PLPP2: variants seen among roughly 807,000 people sequenced by gnomAD.
The protein encoded by PLPP2 is PAP2-gamma.
PLPP2 carries 29 observed loss-of-function variants against 35.2 expected under a neutral mutation model. The ratio of observed to expected loss-of-function variants is 0.82; its 90% CI spans 0.61 to 1.12. PLPP2 has a LOEUF of 1.12. Ranked by LOEUF, PLPP2 falls within the 50% of genes most tolerant of loss-of-function variation. PLPP2 has a pLI of 0.00. For synonymous variants in PLPP2, 162 were observed against 167.0 expected (o/e 0.97, Z 0.23); for missense variants, 353 against 375.2 (o/e 0.94, Z 0.49).
At chr19:288,421 A>T in intron 1 of PLPP2, 1 of 354,386 alleles carries the variant, frequency 2.8e-6, no homozygotes. Context: ...GCAAACACCC[A>T]CCTTTGCACA....
At chr19:282,964 A>G in intron 3 of PLPP2, 155 bp from the exon 4 acceptor site, 1 of 664,520 alleles carries the variant, frequency 1.5e-6, no homozygotes, top group Non-Finnish European at 2.6e-6. Context: ...TTTCTGTTCC[A>G]GTCATCTGAT....
rs764953370 is a variant in PLPP2, at chr19:287,603, T to C, written c.353A>G (p.Tyr118Cys). Residue 118 changes from tyrosine to cysteine, a missense_variant, in exon 3 of 6, where the codon TAC becomes TGC. Physicochemically the swap from Tyr to Cys is radical, Grantham distance 194. Coordinates refer to ENST00000434325, the MANE Select transcript of PLPP2 (RefSeq NM_003712.4). The surrounding 1 kb of genome is among the most constrained non-coding windows in gnomAD (Gnocchi z 4.3). ...GTTGGGCCTCAGACGCCCAATCATG[T>C]ACTTGGCCAGGTCTGTCAGAGACTG... ...VSQSLTDLAK[Y>C]MIGRLRPNFL... The C allele has an allele frequency of 2.9e-5, 47 of 1,613,850 alleles. No homozygotes were observed. The highest frequency in any genetic ancestry group is 3.9e-5 in the Non-Finnish European group (46 of 1,180,022).
Position 282,449 on chromosome 19 carries a change from C to A in PLPP2, c.541-139G>T. 6 of 494,502 alleles carry A rather than the reference C, an allele frequency of 1.2e-5. No homozygotes were observed. In the South Asian group the frequency reaches 1.4e-4, roughly 11 times the overall value. 30.6% of individuals were successfully genotyped at this position (494,502 alleles called of 1,614,324 possible). A position where few individuals can be genotyped will look rare whatever the true frequency, so the allele number is the denominator to read the frequency against. Reference sequence around the variant, plus strand: ...CGTGTTAGCCTGTGCACCTGCCAGGCGCTCCCCCTCCCCCTGCACAGACGT... The same window carrying A: ...CGTGTTAGCCTGTGCACCTGCCAGGAGCTCCCCCTCCCCCTGCACAGACGT... On this transcript the variant is annotated intron_variant, in intron 4 of 5. Transcript: ENST00000434325.
chr19:282,067 G>T, intron 5 of PLPP2, 67 bp downstream of exon 5: 1 of 1,560,136 alleles, frequency 6.4e-7, no homozygotes, highest in Non-Finnish European at 8.7e-7. Context: ...ACCCAGGGCA[G>T]CACTAGGGTT....
intron 3 of PLPP2, 110 bp from the exon 4 acceptor site, chr19:282,919 T>A: frequency 1.1e-6 from 1 of 911,514 alleles, no homozygotes; most frequent in Non-Finnish European, 1.8e-6. Context: ...TGCTGTTAGA[T>A]GCACTCAAAT....
At chr19:281,976 G>A (rs1270619497) in intron 5 of PLPP2, 158 bp downstream of exon 5, 7 of 770,176 alleles carry the variant, frequency 9.1e-6, no homozygotes, top group Non-Finnish European at 1.2e-5. Flanking sequence ...GGGGTAAAGG[G>A]AAGGACTGGG....
chr19:288,885 G>A (rs73916866), intron 1 of PLPP2, among the ~76,000 whole-genome samples: 4,336 of 152,210 alleles, frequency 0.028, 218 homozygotes, highest in African/African-American at 0.099. Context: ...AATAAACATC[G>A]GTTAAAATAA....
At chr19:290,051 C>T (rs1353474639) in intron 1 of PLPP2, among the ~76,000 whole-genome samples, 1 of 152,194 alleles carries the variant, frequency 6.6e-6, no homozygotes, top group Non-Finnish European at 1.5e-5. Context: ...CTGGGGTCCC[C>T]AAAACAGACA....
At chr19:284,761 C>T (rs902311755) in intron 3 of PLPP2, 4 of 152,146 alleles carry the variant, frequency 2.6e-5, no homozygotes, top group African/African-American at 9.7e-5. Flanking sequence ...AATGAAAAAT[C>T]ACTTGAGGGA....
Position 282,294 on chromosome 19 carries a change from C to T in PLPP2, c.557G>A (p.Arg186Gln), listed in dbSNP as rs377567964. Residue 186 changes from arginine to glutamine, a missense_variant, in exon 5 of 6, where the codon CGA becomes CAA. Physicochemically the swap from Arg to Gln is conservative, Grantham distance 43. Transcript: ENST00000434325. ...MVFLALYVQA[R>Q]LCWKWARLLR... The stretch of plus-strand genomic sequence containing the variant: ...CAGCCGTGCCCACTTCCAACAGAGT[C>T]GTGCCTGCACATACAGCTGGAGTGG... 7 of 1,613,704 alleles carry T rather than the reference C, an allele frequency of 4.3e-6. No homozygotes were observed. The highest frequency in any genetic ancestry group is 3.3e-5 in the South Asian group (3 of 91,052).
In PLPP2 at chr19:288,160, A is replaced by G; in HGVS notation, c.64T>C (p.Phe22Leu). 2 of 1,581,320 alleles carry G rather than the reference A, an allele frequency of 1.3e-6. No homozygotes were observed. The highest frequency in any genetic ancestry group is 1.7e-6 in the Non-Finnish European group (2 of 1,159,232). Residue 22 changes from phenylalanine (F) to leucine (L), a missense_variant, in exon 2 of 6, where the codon TTC becomes CTC. Coordinates refer to ENST00000434325, the MANE Select transcript of PLPP2 (RefSeq NM_003712.4). ...VLCLLVASLP[F>L]AILTLVNAPY... ...GCGTTCACCAGCGTCAGGATAGCGA[A>G]GGGCAGGGAGGCTGGTGGGGAAGAA...
chr19:290,925 C>G, intron 1 of PLPP2: 2 of 1,227,294 alleles, frequency 1.6e-6, no homozygotes, highest in Non-Finnish European at 2.0e-6. Context: ...CGCGGCCGCC[C>G]CCACCTCCCG....
At chr19:289,983 G>C (rs567061851) in intron 1 of PLPP2, among the ~76,000 whole-genome samples, 1 of 152,152 alleles carries the variant, frequency 6.6e-6, no homozygotes, top group African/African-American at 2.4e-5. Context: ...TCCAACTAGA[G>C]ACGCAGGCAC....
At position 282,226 on chromosome 19, in the gene PLPP2, A is replaced by G; in HGVS notation, c.625T>C (p.Tyr209His). The change falls in exon 5 of 6, where the codon TAC becomes CAC. Residue 209 changes from tyrosine to histidine, a missense_variant. Physicochemically the swap from Tyr to His is moderately conservative, Grantham distance 83 (BLOSUM62 2). Transcript: ENST00000434325. ...VQFFLVAFALYVGYTRVSDYK... is the reference protein window; with the variant it reads ...VQFFLVAFALHVGYTRVSDYK... ...TCAGACACGCGGGTGTAGCCCACGT[A>G]GAGGGCAAAGGCCACCAGGAAGAAC... is the stretch of plus-strand genomic sequence containing the variant. 6.2e-7 allele frequency: 1 copy of G among 1,613,888 alleles called. No individual in the cohort carries two copies. Among genetic ancestry groups the G allele is most frequent in the Non-Finnish European group, 8.5e-7 (1 of 1,179,882 alleles).
Position 282,804 on chromosome 19 carries a change from G to C in PLPP2, c.488C>G (p.Ser163Cys). Residue 163 changes from serine (S) to cysteine (C), a missense_variant, in exon 4 of 6, where the codon TCT becomes TGT. Physicochemically the swap from Ser to Cys is moderately radical, Grantham distance 112 (BLOSUM62 -1). Transcript: ENST00000434325. The stretch of plus-strand genomic sequence containing the variant: ...AAAGGAAGAGTGTCCCGAGTAGAAA[G>C]ACAACCTGAGGAAGGAGAAGGGGCA... Reference protein sequence around the residue: ...NPADVTEARLSFYSGHSSFGM... With the variant: ...NPADVTEARLCFYSGHSSFGM... 1 of 1,613,694 alleles carries C rather than the reference G, an allele frequency of 6.2e-7. No homozygotes were observed. Among genetic ancestry groups the C allele is most frequent in the Non-Finnish European group, 8.5e-7 (1 of 1,179,818 alleles).
At position 281,737 on chromosome 19, in the gene PLPP2, C is replaced by A. The variant is rs118039793; in HGVS notation, c.718-200G>T. 0.025 allele frequency among the ~76,000 whole-genome samples: 3,669 copies of A among 147,918 alleles called. 180 individuals carry two copies. Among genetic ancestry groups the A allele is most frequent in the Admixed American group, 0.14 (2,001 of 14,646 alleles). On this transcript the variant is annotated intron_variant, in intron 5 of 5. Coordinates refer to ENST00000434325, the MANE Select transcript of PLPP2 (RefSeq NM_003712.4). Reference sequence around the variant, plus strand: ...GGAGCACTGAGGAGCTGACAGGCCCCGGGAAGAACTGCAGTAGGGCCAGGG... The same window carrying A: ...GGAGCACTGAGGAGCTGACAGGCCCAGGGAAGAACTGCAGTAGGGCCAGGG...
Position 291,358 on chromosome 19 carries a change from C to T in PLPP2, c.-22G>A. 6.3e-7 allele frequency: 1 copy of T among 1,580,500 alleles called. No individual in the cohort carries two copies. The highest frequency in any genetic ancestry group is 8.6e-7 in the Non-Finnish European group (1 of 1,165,496). On this transcript the variant is annotated 5_prime_UTR_variant, in exon 1 of 6. Coordinates refer to ENST00000434325, the MANE Select transcript of PLPP2 (RefSeq NM_003712.4). ...GCATGGTCCCCGCGACCCCCGACGC[C>T]GGTCCCAGCGCGTCCCGTCGCGTCC...
In PLPP2 at chr19:287,553, A is replaced by G; in HGVS notation, c.403T>C (p.Trp135Arg). Residue 135 changes from tryptophan to arginine, a missense_variant, in exon 3 of 6, where the codon TGG becomes CGG. Transcript: ENST00000434325. This position sits in a 1 kb window ranked among gnomAD's most constrained non-coding sequence, Gnocchi z 4.3. ...TAGACCGAGCAGTTGACCCGGCTCC[A>G]GTCGGGGTCGCAGACGGCTAGGAAG... The part of the protein sequence containing the change: ...PNFLAVCDPD[W>R]SRVNCSVYVQ... The G allele has an allele frequency of 6.2e-7, 1 of 1,613,798 alleles. No individual in the cohort carries two copies. Among genetic ancestry groups the G allele is most frequent in the Non-Finnish European group, 8.5e-7 (1 of 1,180,044 alleles).
At chr19:282,083 G>T in intron 5 of PLPP2, 51 bp downstream of exon 5, 1 of 1,595,818 alleles carries the variant, frequency 6.3e-7, no homozygotes, top group South Asian at 1.1e-5. Flanking sequence ...GGGTTGGCTG[G>T]GGAGTGGTCT....
Sources: gnomAD v4.1 joint callset for allele counts (sites outside exome capture counted in the v4.1 genomes callset) on GRCh38, gnomAD v4.1.1 for gene constraint, Gnocchi (gnomAD v3.1) non-coding constraint, MANE v1.5 for transcripts, NCBI Gene and HGNC (gene_info 2026-07-23, HGNC 2026-07-21) for gene names.